Variants in ITPR2 observed in about 807,000 individuals in gnomAD.
ITPR2 encodes the protein inositol 1,4,5-trisphosphate receptor type 2.
A neutral mutation model predicts 317.1 loss-of-function variants in ITPR2; 207 were observed. That is an observed-to-expected ratio of 0.65 (90% CI 0.58 to 0.73). The LOEUF is 0.73. Ranked by LOEUF, ITPR2 falls within the 30% of genes least tolerant of loss-of-function variation. The pLI, the probability that ITPR2 is intolerant of heterozygous loss-of-function variation, is 0.00. For missense variants in ITPR2, 2,613 were observed against 3,284.0 expected (o/e 0.80, Z 4.99); for synonymous variants, 1,156 against 1,149.1 (o/e 1.01, Z -0.12).
chr12:26,542,692 A>G (rs1944294011), intron 37 of ITPR2, among the ~76,000 whole-genome samples: 1 of 152,250 alleles, frequency 6.6e-6, no homozygotes, highest in East Asian at 1.9e-4. Flanking sequence ...TTTTTGCAAC[A>G]ATATTCCAAG....
chr12:26,581,964 A>G (rs1945414384), intron 32 of ITPR2, among the ~76,000 whole-genome samples: 1 of 152,196 alleles, frequency 6.6e-6, no homozygotes, highest in Non-Finnish European at 1.5e-5. Flanking sequence ...GGCACTTGCC[A>G]AAAAACCACC....
chr12:26,519,257 C>A (rs1943606193), intron 37 of ITPR2, among the ~76,000 whole-genome samples: 1 of 152,038 alleles, frequency 6.6e-6, no homozygotes. Flanking sequence ...TCATTGTGTA[C>A]AAACACACAC....
chr12:26,701,212 A>C (rs1224863091), intron 9 of ITPR2, among the ~76,000 whole-genome samples: 1 of 152,210 alleles, frequency 6.6e-6, no homozygotes, highest in Non-Finnish European at 1.5e-5. Flanking sequence ...ATCAATTAAA[A>C]AACAACTGCA....
chr12:26,788,102 A>T (rs1950288123), intron 2 of ITPR2, among the ~76,000 whole-genome samples: 2 of 151,302 alleles, frequency 1.3e-5, no homozygotes, highest in Non-Finnish European at 1.5e-5. Context: ...TTGCATTTTT[A>T]GTAGAGACAG....
At chr12:26,654,692 ACTCT>A (rs112280466) in intron 20 of ITPR2, among the ~76,000 whole-genome samples, 81 of 148,972 alleles carry the variant, frequency 5.4e-4, no homozygotes, top group African/African-American at 1.8e-3. Context: ...TCCATCTTGT[ACTCT>A]CTCTCTCTCT....
intron 50 of ITPR2, among the ~76,000 whole-genome samples, 155 bp from the exon 51 acceptor site, chr12:26,415,653 C>T (rs1281595933): frequency 1.3e-5 from 2 of 152,150 alleles, no homozygotes; most frequent in East Asian, 3.8e-4. Context: ...GTATTTATTT[C>T]TTCTCCAGCT....
chr12:26,747,168 G>GA (rs2137095650), intron 2 of ITPR2, among the ~76,000 whole-genome samples: 1 of 152,158 alleles, frequency 6.6e-6, no homozygotes, highest in African/African-American at 2.4e-5. Context: ...AAATTTCAAA[G>GA]AAAAAGTATT....
chr12:26,784,516 T>G (rs1028441285), intron 2 of ITPR2, among the ~76,000 whole-genome samples: 1 of 150,986 alleles, frequency 6.6e-6, no homozygotes, highest in Non-Finnish European at 1.5e-5. Flanking sequence ...GGTTTTCGGT[T>G]TTTTTTTGGT....
rs35666334 is a variant in ITPR2, at chr12:26,565,527, T to TAGACAGAC, written c.4631-3583_4631-3576dup. On this transcript the variant is annotated intron_variant, in intron 34 of 56. Transcript: ENST00000381340. ...ATAGATAGATAGATAGATAGATAGATAGACAGACAGACAGATAGATAGATA... is the reference window on the plus strand; with the variant it reads ...ATAGATAGATAGATAGATAGATAGATAGACAGACAGACAGACAGACAGATAGATAGATA... Among the ~76,000 whole-genome samples the TAGACAGAC allele has an allele frequency of 3.1e-4, 43 of 139,796 alleles. 1 individual carries two copies. Among genetic ancestry groups the TAGACAGAC allele is most frequent in the South Asian group, 3.1e-3 (13 of 4,236 alleles). 91.7% of individuals were successfully genotyped at this position (139,796 alleles called of 152,430 possible).
At chr12:26,446,221 C>G (rs1001770640) in intron 45 of ITPR2, among the ~76,000 whole-genome samples, 1 of 152,006 alleles carries the variant, frequency 6.6e-6, no homozygotes, top group Non-Finnish European at 1.5e-5. Flanking sequence ...TGCCAGGAAG[C>G]CTTAAGGGTC....
intron 52 of ITPR2, among the ~76,000 whole-genome samples, chr12:26,405,868 G>C (rs956989311): frequency 1.3e-5 from 2 of 152,166 alleles, no homozygotes; most frequent in Non-Finnish European, 2.9e-5. Flanking sequence ...TAAGGCAGGA[G>C]AATCACTTGA....
At chr12:26,702,420 G>GTTTTTTTTTTTTTTT (rs147003640) in intron 9 of ITPR2, among the ~76,000 whole-genome samples, 2 of 113,450 alleles carry the variant, frequency 1.8e-5, no homozygotes, top group Non-Finnish European at 1.8e-5. Flanking sequence ...GGGGGTTGGT[G>GTTTTTTTTTTTTTTT]TTTTTTTTTT....
intron 2 of ITPR2, among the ~76,000 whole-genome samples, chr12:26,728,819 T>C (rs1948978718): frequency 6.6e-6 from 1 of 152,228 alleles, no homozygotes. Flanking sequence ...AAGGCATTAT[T>C]ATTGATATTG....
At chr12:26,540,715 A>T (rs1163865765) in intron 37 of ITPR2, among the ~76,000 whole-genome samples, 1 of 152,128 alleles carries the variant, frequency 6.6e-6, no homozygotes, top group African/African-American at 2.4e-5. Flanking sequence ...GAACTTTGTA[A>T]TTTTTTTGTA....
At chr12:26,698,888 G>C (rs777561822) in intron 9 of ITPR2, among the ~76,000 whole-genome samples, 3 of 151,966 alleles carry the variant, frequency 2.0e-5, no homozygotes, top group Non-Finnish European at 2.9e-5. Context: ...TCACTTGTTA[G>C]TAAAGAAAAT....
chr12:26,683,751 G>A (rs1948079162), intron 11 of ITPR2, among the ~76,000 whole-genome samples: 1 of 152,200 alleles, frequency 6.6e-6, no homozygotes, highest in Non-Finnish European at 1.5e-5. Flanking sequence ...TGAACTGTGA[G>A]AGAATGCCTA....
chr12:26,341,164 G>T (rs1044812616), intron 55 of ITPR2, among the ~76,000 whole-genome samples: 1 of 152,126 alleles, frequency 6.6e-6, no homozygotes, highest in African/African-American at 2.4e-5. Flanking sequence ...TACAGATAAG[G>T]AAACAAGAGG....
chr12:26,347,977 A>T (rs1938359814), intron 55 of ITPR2, among the ~76,000 whole-genome samples: 2 of 152,222 alleles, frequency 1.3e-5, no homozygotes, highest in South Asian at 4.1e-4. Flanking sequence ...TACAGACTTG[A>T]TGGCTATGCT....
chr12:26,664,045 T>C (rs1008089717), intron 14 of ITPR2, among the ~76,000 whole-genome samples, 199 bp from the exon 15 acceptor site: 7 of 152,156 alleles, frequency 4.6e-5, no homozygotes, highest in Admixed American at 2.0e-4. Context: ...GTCACCTACA[T>C]TGAGTGACAA....
Sources: allele counts gnomAD v4.1 joint callset (sites outside exome capture counted in the v4.1 genomes callset), GRCh38; gene constraint gnomAD v4.1.1; transcripts MANE v1.5; gene names NCBI Gene and HGNC (gene_info 2026-07-23, HGNC 2026-07-21).